The following INTU variants were observed in gnomAD, a reference collection of about 807,000 sequenced individuals.
INTU encodes protein inturned.
In INTU, 68 loss-of-function variants were observed where a neutral mutation model predicts 100.5. The observed-to-expected ratio is 0.68, with a 90% CI of 0.56 to 0.83. The LOEUF (loss-of-function observed/expected upper bound fraction) is 0.83. Among genes scored for constraint, INTU ranks in the 40% least tolerant of loss-of-function variants. The pLI, the probability that INTU is intolerant of heterozygous loss-of-function variation, is 0.00. For missense variants in INTU, 1,071 were observed against 1,114.7 expected, an observed-to-expected ratio of 0.96 and a Z score of 0.56; for synonymous variants, 357 against 395.7, an observed-to-expected ratio of 0.90 and a Z score of 1.16.
intron 2 of INTU, among the ~76,000 whole-genome samples, chr4:127,653,145 A>C (rs1319670489): frequency 1.2e-4 from 17 of 146,588 alleles, no homozygotes; most frequent in Non-Finnish European, 1.7e-4. Flanking sequence ...GTGGTCTATC[A>C]ATTTTGTTGA....
At position 127,663,349 on chromosome 4, in the gene INTU, G is replaced by A. The variant is rs72616924; in HGVS notation, c.769-32G>A. The stretch of plus-strand genomic sequence containing the variant: ...AAACTGCAGCTGATTTTCCCTTGTC[G>A]AAAAGTCAACACATTGTTTTAATTT... On this transcript the variant is annotated intron_variant, in intron 3 of 15. Transcript: ENST00000335251. 42,332 of 1,560,110 alleles carry A rather than the reference G, an allele frequency of 0.027. 2,668 individuals carry two copies. In the East Asian group the frequency reaches 0.29, roughly 11 times the overall value.
chr4:127,670,874 A>G (rs1728895693), intron 5 of INTU, among the ~76,000 whole-genome samples: 1 of 152,068 alleles, frequency 6.6e-6, no homozygotes, highest in African/African-American at 2.4e-5. Context: ...AGCACACCCT[A>G]TTCAATAAAT....
At chr4:127,662,589 C>G (rs930123992) in intron 3 of INTU, among the ~76,000 whole-genome samples, 2 of 152,078 alleles carry the variant, frequency 1.3e-5, no homozygotes, top group African/African-American at 4.8e-5. Context: ...TACTTCATCC[C>G]TAAGTACTTT....
At chr4:127,662,981 A>G (rs959447424) in intron 3 of INTU, among the ~76,000 whole-genome samples, 1 of 152,188 alleles carries the variant, frequency 6.6e-6, no homozygotes, top group East Asian at 1.9e-4. Context: ...TCTTCCTTCT[A>G]TCTTCCCAGA....
At position 127,723,712 on chromosome 4, in the gene INTU, G is replaced by A. The variant is rs1731380122; in HGVS notation, c.*7276G>A. ...CGGCTGGGCTTAGTGGCTCACGCCT[G>A]TAATCTCAACACTTTGGGAGGCTGA... On this transcript the variant is annotated 3_prime_UTR_variant, in exon 16 of 16. Transcript: ENST00000335251. The A allele has an allele frequency of 6.6e-6, 1 of 151,980 alleles. No individual in the cohort carries two copies. Among genetic ancestry groups the A allele is most frequent in the Non-Finnish European group, 1.5e-5 (1 of 68,006 alleles). 9.4% of individuals were successfully genotyped at this position (151,980 alleles called of 1,614,324 possible). A position where few individuals can be genotyped will look rare whatever the true frequency, so the allele number is the denominator to read the frequency against.
rs1349745540 is a variant in INTU, at chr4:127,717,046, C to G, written c.*610C>G. ...ATGTGCAGGATGTGCAGGTTCGTTA[C>G]ATAGGTAAACATGTGCCATGGCGGT... On this transcript the variant is annotated 3_prime_UTR_variant, in exon 16 of 16. Coordinates refer to ENST00000335251, the MANE Select transcript of INTU (RefSeq NM_015693.4). The G allele has an allele frequency of 6.6e-6, 1 of 152,148 alleles. No individual in the cohort carries two copies. The highest frequency in any genetic ancestry group is 6.5e-5 in the Admixed American group (1 of 15,276). The allele number at this position is 152,148 out of a possible 1,614,324, so 9.4% of individuals were successfully genotyped here. A position where few individuals can be genotyped will look rare whatever the true frequency, so the allele number is the denominator to read the frequency against.
intron 14 of INTU, among the ~76,000 whole-genome samples, chr4:127,712,529 C>A (rs1320858793): frequency 1.3e-5 from 2 of 152,194 alleles, no homozygotes; most frequent in African/African-American, 4.8e-5. Context: ...GTGGACAAAA[C>A]AAAGTCCCTT....
rs1421084126 is a variant in INTU, at chr4:127,725,500, A to G, written c.*9064A>G. The G allele has an allele frequency of 2.6e-5, 4 of 152,310 alleles. No homozygotes were observed. The highest frequency in any genetic ancestry group is 3.4e-3 in the Middle Eastern group (1 of 294). The allele number at this position is 152,310 out of a possible 1,614,324, so 9.4% of individuals were successfully genotyped here. A position where few individuals can be genotyped will look rare whatever the true frequency, so the allele number is the denominator to read the frequency against. On this transcript the variant is annotated 3_prime_UTR_variant, in exon 16 of 16. Coordinates refer to ENST00000335251, the MANE Select transcript of INTU (RefSeq NM_015693.4). Reference sequence around the variant, plus strand: ...GAAAATACCATGAACTACTTCTAATACTGATAATTATGAATAAACGTAGCT... The same window carrying G: ...GAAAATACCATGAACTACTTCTAATGCTGATAATTATGAATAAACGTAGCT...
At chr4:127,647,646 G>T (rs141647238) in intron 2 of INTU, among the ~76,000 whole-genome samples, 1 of 152,078 alleles carries the variant, frequency 6.6e-6, no homozygotes, top group African/African-American at 2.4e-5. Context: ...CAATTATGCT[G>T]CCTACCTCAG....
rs1344414257 is a variant in INTU, at chr4:127,710,931, G to C, written c.2388G>C (p.Glu796Asp). 1.3e-6 allele frequency: 2 copies of C among 1,498,972 alleles called. No homozygotes were observed. Among genetic ancestry groups the C allele is most frequent in the Admixed American group, 3.6e-5 (2 of 55,820 alleles). 92.9% of individuals were successfully genotyped at this position (1,498,972 alleles called of 1,614,324 possible). Residue 796 changes from glutamate to aspartate, a missense_variant, in exon 14 of 16, where the codon GAG becomes GAC. Glu to Asp is a conservative substitution (Grantham distance 45). Transcript: ENST00000335251. ...TTTTAAGACTGACATCTGGTCCTGA[G>C]AACACACTTTTCCACTACGTTGCCT... ...YNTVKLTSGP[E>D]NTLFHYVALE...
At position 127,714,015 on chromosome 4, in the gene INTU, G is replaced by T. The variant is rs1430911129; in HGVS notation, c.2639G>T (p.Gly880Val). The T allele has an allele frequency of 6.2e-7, 1 of 1,613,414 alleles. No homozygotes were observed. The highest frequency in any genetic ancestry group is 2.2e-5 in the East Asian group (1 of 44,808). Residue 880 changes from glycine (G) to valine (V), a missense_variant, in exon 15 of 16, where the codon GGT (glycine) becomes GTT (valine). Transcript: ENST00000335251. ...TCTCTTAACCCTGTTAAAGAACATG[G>T]TGTGTTGTTTGAATGTTCACCTGGA... ...VSSLNPVKEH[G>V]VLFECSPGNW...
At chr4:127,683,047 G>A in intron 6 of INTU, among the ~76,000 whole-genome samples, 1 of 152,160 alleles carries the variant, frequency 6.6e-6, no homozygotes, top group African/African-American at 2.4e-5. Flanking sequence ...CAGTTTCCAG[G>A]TGAGTTTGTA....
chr4:127,668,607 A>G (rs11732886), intron 4 of INTU, among the ~76,000 whole-genome samples: 66,247 of 151,586 alleles, frequency 0.44, 15,413 homozygotes, highest in South Asian at 0.65. Flanking sequence ...AAAAGTAATT[A>G]AATTTAAAGA....
intron 2 of INTU, among the ~76,000 whole-genome samples, chr4:127,653,592 T>C (rs1728015293): frequency 1.3e-5 from 2 of 152,282 alleles, no homozygotes; most frequent in South Asian, 2.1e-4. Flanking sequence ...AGAGATAGTT[T>C]GTTATAATTT....
intron 1 of INTU, among the ~76,000 whole-genome samples, chr4:127,636,749 C>T (rs1411458341): frequency 6.6e-6 from 1 of 152,026 alleles, no homozygotes; most frequent in Admixed American, 6.6e-5. Context: ...TCCTCTCTTT[C>T]TTGAATTTTT....
At chr4:127,663,712 T>A in intron 4 of INTU, 128 bp downstream of exon 4, 1 of 656,856 alleles carries the variant, frequency 1.5e-6, no homozygotes, top group Non-Finnish European at 2.6e-6. Context: ...AAAAATGAAT[T>A]AACTGTTTTT....
In INTU at chr4:127,633,038, G is replaced by A; in HGVS notation, c.4G>A (p.Ala2Thr). 6.2e-7 allele frequency: 1 copy of A among 1,611,864 alleles called. No individual in the cohort carries two copies. Among genetic ancestry groups the A allele is most frequent in the African/African-American group, 1.3e-5 (1 of 75,004 alleles). ...CGTAGCTATTGCATTCCTGACGATG[G>A]CCTCTGTGGCTTCGTGCGATTCGCG... MASVASCDSRPS... is the reference protein window; with the variant it reads MTSVASCDSRPS... Residue 2 changes from alanine to threonine, a missense_variant, in exon 1 of 16, where the codon GCC becomes ACC. Physicochemically the swap from Ala to Thr is moderately conservative, Grantham distance 58. Transcript: ENST00000335251.
intron 1 of INTU, among the ~76,000 whole-genome samples, chr4:127,636,297 G>A (rs551453858): frequency 1.3e-5 from 2 of 151,790 alleles, no homozygotes; most frequent in South Asian, 4.2e-4. Flanking sequence ...TTTTGGTACA[G>A]TGAAGCCCTA....
At chr4:127,656,228 T>C (rs7679782) in intron 2 of INTU, among the ~76,000 whole-genome samples, 90,465 of 151,996 alleles carry the variant, frequency 0.6, 27,950 homozygotes, top group African/African-American at 0.76. Context: ...TGTTCCTATT[T>C]GGCCATCTTG....
Sources: gnomAD v4.1 joint callset for allele counts (sites outside exome capture counted in the v4.1 genomes callset) on GRCh38, gnomAD v4.1.1 for gene constraint, MANE v1.5 for transcripts, NCBI Gene and HGNC (gene_info 2026-07-23, HGNC 2026-07-21) for gene names.